CD163L1: variants seen among roughly 807,000 people sequenced by gnomAD.
The protein encoded by CD163L1 is CD163 molecule like 1.
Under a neutral mutation model 165.4 loss-of-function variants are expected in CD163L1, and 124 were observed. The observed-to-expected ratio is 0.75, with a 90% CI of 0.65 to 0.87. The LOEUF (loss-of-function observed/expected upper bound fraction) is 0.87, where lower values mean the gene tolerates loss of function less well. Ranked by LOEUF, CD163L1 falls within the 40% of genes least tolerant of loss-of-function variation. CD163L1 has a pLI of 0.00. For synonymous variants in CD163L1, 585 were observed against 662.2 expected (o/e 0.88, Z 1.79); for missense variants, 1,525 against 1,799.9 (o/e 0.85, Z 2.76).
At chr12:7,320,502 T>C in the CD163L1 span, among the ~76,000 whole-genome samples, 676 of 152,354 alleles carry the variant, frequency 4.4e-3, 4 homozygotes, top group Middle Eastern at 0.024. Context: ...TGTGTATGTC[T>C]GTTACTGTAA....
chr12:7,375,157 T>A (rs1325696329), intron 11 of CD163L1, 124 bp downstream of exon 11: 26 of 960,174 alleles, frequency 2.7e-5, no homozygotes, highest in Non-Finnish European at 3.6e-5. Flanking sequence ...ACTCTTTGAC[T>A]GTCATGCCTA....
At position 7,374,672 on chromosome 12, in the gene CD163L1, A is replaced by T; in HGVS notation, c.3179T>A (p.Ile1060Asn). 6.2e-7 allele frequency: 1 copy of T among 1,614,186 alleles called. No homozygotes were observed. The highest frequency in any genetic ancestry group is 8.5e-7 in the Non-Finnish European group (1 of 1,180,024). ...GCTCAGGTCCCAGCCGTCATCACAGATGGTGCCCCAGAAGCCGTCGTGATA... is the reference window on the plus strand; with the variant it reads ...GCTCAGGTCCCAGCCGTCATCACAGTTGGTGCCCCAGAAGCCGTCGTGATA... ...EIYHDGFWGT[I>N]CDDGWDLSDA... Residue 1060 changes from isoleucine (I) to asparagine (N), a missense_variant, in exon 13 of 20, where the codon ATC becomes AAC. Coordinates refer to ENST00000313599, the MANE Select transcript of CD163L1 (RefSeq NM_174941.6). The surrounding 1 kb of genome is among the most constrained non-coding windows in gnomAD (Gnocchi z 5.4).
intron 8 of CD163L1, among the ~76,000 whole-genome samples, chr12:7,390,199 G>A (rs979023474): frequency 3.3e-5 from 5 of 151,728 alleles, no homozygotes; most frequent in Admixed American, 6.6e-5. Context: ...AAGGGTGTGC[G>A]TGTGGTGGGC....
downstream of CD163L1, among the ~76,000 whole-genome samples, chr12:7,350,615 G>T (rs1946700531): frequency 6.6e-6 from 1 of 151,978 alleles, no homozygotes; most frequent in Non-Finnish European, 1.5e-5. Context: ...ACATACTTAG[G>T]TGTGAAAACT....
At position 7,374,808 on chromosome 12, in the gene CD163L1, T is replaced by C. The variant is rs764393507; in HGVS notation, c.3094+23A>G. ...GTCACATTCTTTAGAGTTGCAGTGT[T>C]TCCTAAAACTGATTCTGCTTACCTA... is the stretch of plus-strand genomic sequence containing the variant. On this transcript the variant is annotated intron_variant, in intron 12 of 19. Transcript: ENST00000313599. This position sits in a 1 kb window ranked among gnomAD's most constrained non-coding sequence, Gnocchi z 5.4. 1.9e-6 allele frequency: 3 copies of C among 1,614,132 alleles called. No homozygotes were observed. The highest frequency in any genetic ancestry group is 1.7e-5 in the Admixed American group (1 of 60,024).
intron 4 of CD163L1, among the ~76,000 whole-genome samples, chr12:7,419,195 G>T (rs1948301485): frequency 6.6e-6 from 1 of 151,912 alleles, no homozygotes; most frequent in Non-Finnish European, 1.5e-5. Context: ...CCAGGGATGA[G>T]GGATGGTTAA....
At chr12:7,331,099 T>A in the CD163L1 span, among the ~76,000 whole-genome samples, 1 of 152,190 alleles carries the variant, frequency 6.6e-6, no homozygotes, top group Admixed American at 6.5e-5. Flanking sequence ...ATACTGCACT[T>A]TTCCAATGGG....
At chr12:7,345,317 C>G (rs1946662325), downstream of CD163L1, among the ~76,000 whole-genome samples, 1 of 152,158 alleles carries the variant, frequency 6.6e-6, no homozygotes, top group South Asian at 2.1e-4. Context: ...TTTCTTCCAC[C>G]AGATGCCTTA....
chr12:7,425,253 A>G (rs1948521347), intron 4 of CD163L1, among the ~76,000 whole-genome samples: 1 of 152,198 alleles, frequency 6.6e-6, no homozygotes, highest in Admixed American at 6.5e-5. Flanking sequence ...CTGTTTAACA[A>G]ATGATGCTGG....
intron 7 of CD163L1, among the ~76,000 whole-genome samples, chr12:7,396,848 C>T (rs191867971): frequency 2.0e-5 from 3 of 148,132 alleles, no homozygotes; most frequent in Non-Finnish European, 4.5e-5. Context: ...TACATATGCA[C>T]ACACACACAG....
intron 8 of CD163L1, among the ~76,000 whole-genome samples, chr12:7,395,282 A>G (rs568396213): frequency 8.7e-4 from 132 of 152,340 alleles, no homozygotes; most frequent in Non-Finnish European, 1.5e-3. Flanking sequence ...GGATGAGTTC[A>G]TGTCCTTTGC....
At position 7,375,063 on chromosome 12, in the gene CD163L1, A is replaced by G. The variant is rs1947235363; in HGVS notation, c.3002-140T>C. 3.4e-6 allele frequency: 3 copies of G among 886,942 alleles called. No individual in the cohort carries two copies. In the South Asian group the frequency reaches 4.9e-5, roughly 14 times the overall value. 54.9% of individuals were successfully genotyped at this position (886,942 alleles called of 1,614,324 possible). On this transcript the variant is annotated intron_variant, in intron 11 of 19. Coordinates refer to ENST00000313599, the MANE Select transcript of CD163L1 (RefSeq NM_174941.6). ...TCGTCTATTGAAATCATTTTTATTA[A>G]TGATGTCTACTCGTAAATCCCAAAC...
downstream of CD163L1, among the ~76,000 whole-genome samples, chr12:7,346,495 C>G (rs1946671235): frequency 6.6e-6 from 1 of 151,850 alleles, no homozygotes; most frequent in Non-Finnish European, 1.5e-5. Context: ...CTCTGTCTGC[C>G]CAATACATTT....
the CD163L1 span, among the ~76,000 whole-genome samples, chr12:7,330,956 T>C: frequency 3.9e-5 from 6 of 152,148 alleles, no homozygotes; most frequent in Non-Finnish European, 1.5e-5. Flanking sequence ...GTGGGTACAG[T>C]GCACCGTGCA....
chr12:7,401,039 A>T (rs191611276), intron 6 of CD163L1, among the ~76,000 whole-genome samples: 166 of 152,326 alleles, frequency 1.1e-3, no homozygotes, highest in African/African-American at 3.7e-3. Flanking sequence ...GTCATTTGTT[A>T]TCAAGGAAGT....
At chr12:7,346,802 A>G (rs779551151) in exon 5 of CD163L1, 3 of 152,116 alleles carry the variant, frequency 2.0e-5, no homozygotes, top group Non-Finnish European at 4.4e-5. Flanking sequence ...AGCAGTTTTC[A>G]GGACAAGTAC....
chr12:7,440,127 A>C (rs1427868991), intron 2 of CD163L1: 2 of 717,806 alleles, frequency 2.8e-6, no homozygotes, highest in Admixed American at 4.6e-5. Flanking sequence ...CCGCCGCGCC[A>C]GCGTGGCCAC....
chr12:7,431,566 C>T (rs974210777), intron 4 of CD163L1, among the ~76,000 whole-genome samples: 6 of 149,264 alleles, frequency 4.0e-5, no homozygotes, highest in Non-Finnish European at 8.9e-5. Context: ...AACGAGAACG[C>T]ATAGACACAG....
chr12:7,331,100 T>C, the CD163L1 span, among the ~76,000 whole-genome samples: 1 of 152,220 alleles, frequency 6.6e-6, no homozygotes, highest in African/African-American at 2.4e-5. Flanking sequence ...TACTGCACTT[T>C]TCCAATGGGC....
Sources: gnomAD v4.1 joint callset for allele counts (sites outside exome capture counted in the v4.1 genomes callset) on GRCh38, gnomAD v4.1.1 for gene constraint, Gnocchi (gnomAD v3.1) non-coding constraint, MANE v1.5 for transcripts, NCBI Gene and HGNC (gene_info 2026-07-23, HGNC 2026-07-21) for gene names.